Variants in CAPN8 observed in about 807,000 individuals in gnomAD.
The protein encoded by CAPN8 is calpain-8.
A neutral mutation model predicts 80.9 loss-of-function variants in CAPN8; 87 were observed. The ratio of observed to expected loss-of-function variants is 1.07; its 90% CI spans 0.90 to 1.28. The LOEUF is 1.28. CAPN8 is among the 50% of genes most tolerant of loss of function. The pLI is 0.00. For missense variants in CAPN8, 757 were observed against 702.0 expected (o/e 1.08, Z -0.89); for synonymous variants, 299 against 273.8 (o/e 1.09, Z -0.91).
intron 2 of CAPN8, among the ~76,000 whole-genome samples, chr1:223,638,647 G>A (rs943672308): frequency 2.6e-5 from 4 of 152,120 alleles, no homozygotes; most frequent in Non-Finnish European, 5.9e-5. Context: ...GGGAATCGTA[G>A]GCAGGGGCTT....
At position 223,616,041 on chromosome 1, in the gene CAPN8, T is replaced by C. The variant is rs1272908075; in HGVS notation, c.1240A>G (p.Met414Val). ...TTCCGCCACCTGCGATTTTTCTGCATCAGGCCCAGCAGCACTGTACAGCAG... is the reference window on the plus strand; with the variant it reads ...TTCCGCCACCTGCGATTTTTCTGCACCAGGCCCAGCAGCACTGTACAGCAG... ...EPCCTVLLGL[M>V]QKNRRWRKRI... is the part of the protein sequence containing the mutation. The change falls in exon 10 of 21, where the codon ATG (methionine) becomes GTG (valine). Residue 414 changes from methionine to valine, a missense_variant. Coordinates refer to ENST00000366872, the MANE Select transcript of CAPN8 (RefSeq NM_001143962.2). 1 of 1,552,318 alleles carries C rather than the reference T, an allele frequency of 6.4e-7. No homozygotes were observed. The highest frequency in any genetic ancestry group is 8.7e-7 in the Non-Finnish European group (1 of 1,147,120).
chr1:223,642,960 A>G (rs1336908049), intron 2 of CAPN8: 7 of 360,410 alleles, frequency 1.9e-5, no homozygotes, highest in Non-Finnish European at 3.3e-5. Context: ...TAAATTATAA[A>G]AGTGGAATTG....
chr1:223,544,287 G>T (rs1467005598), intron 18 of CAPN8, 104 bp from the exon 19 acceptor site: 8 of 652,714 alleles, frequency 1.2e-5, no homozygotes, highest in Non-Finnish European at 2.2e-5. Flanking sequence ...CTGTGGTTCT[G>T]TATCAATCTG....
At chr1:223,644,601 G>A (rs549644385) in intron 2 of CAPN8, among the ~76,000 whole-genome samples, 14 of 152,304 alleles carry the variant, frequency 9.2e-5, no homozygotes, top group African/African-American at 3.4e-4. Flanking sequence ...TGTGACAGGT[G>A]GTGGTAAATC....
chr1:223,609,594 C>G (rs1656982924), intron 11 of CAPN8, among the ~76,000 whole-genome samples: 1 of 152,136 alleles, frequency 6.6e-6, no homozygotes, highest in Non-Finnish European at 1.5e-5. Flanking sequence ...ACTGTGTGAC[C>G]TTGACCTCTG....
chr1:223,657,634 G>T (rs144142574), intron 1 of CAPN8, among the ~76,000 whole-genome samples: 3,207 of 152,202 alleles, frequency 0.021, 117 homozygotes, highest in African/African-American at 0.07. Flanking sequence ...AGGCGTGGTG[G>T]TGAGTGCCTG....
At chr1:223,628,467 G>A (rs1335921174) in intron 3 of CAPN8, among the ~76,000 whole-genome samples, 195 bp downstream of exon 3, 7 of 152,246 alleles carry the variant, frequency 4.6e-5, no homozygotes, top group Non-Finnish European at 7.3e-5. Context: ...CTGGGAAGAG[G>A]ATGGATGTGT....
intron 11 of CAPN8, among the ~76,000 whole-genome samples, chr1:223,610,838 T>TAAAC (rs1657011919): frequency 6.6e-6 from 1 of 152,132 alleles, no homozygotes; most frequent in Non-Finnish European, 1.5e-5. Flanking sequence ...TAAGGGTGGT[T>TAAAC]CTCAGTGTGG....
chr1:223,543,656 G>A (rs74145907), intron 19 of CAPN8, among the ~76,000 whole-genome samples: 4,496 of 152,176 alleles, frequency 0.03, 167 homozygotes, highest in African/African-American at 0.089. Flanking sequence ...ATTGCCTTCA[G>A]AGGGCACCCC....
intron 1 of CAPN8, among the ~76,000 whole-genome samples, chr1:223,662,111 A>G (rs1658661760): frequency 1.3e-5 from 2 of 152,232 alleles, no homozygotes; most frequent in African/African-American, 2.4e-5. Flanking sequence ...GGTACCCAAC[A>G]TAATCAAATT....
At chr1:223,651,004 G>A (rs1658330011) in intron 2 of CAPN8, among the ~76,000 whole-genome samples, 1 of 152,180 alleles carries the variant, frequency 6.6e-6, no homozygotes, top group Non-Finnish European at 1.5e-5. Context: ...GCACCCTTGA[G>A]AGTCCACTGG....
chr1:223,639,932 C>A (rs1658004235), intron 2 of CAPN8, among the ~76,000 whole-genome samples: 1 of 152,212 alleles, frequency 6.6e-6, no homozygotes, highest in Non-Finnish European at 1.5e-5. Context: ...CTAAATCTTG[C>A]AGTGCCATGT....
At chr1:223,545,989 ATT>A (rs35357819) in intron 16 of CAPN8, among the ~76,000 whole-genome samples, 68 of 111,404 alleles carry the variant, frequency 6.1e-4, no homozygotes, top group Admixed American at 9.3e-4. Flanking sequence ...TACTCCACTA[ATT>A]TTTTTTTTTT....
chr1:223,646,603 G>A (rs778026439), intron 2 of CAPN8, among the ~76,000 whole-genome samples: 50 of 152,196 alleles, frequency 3.3e-4, no homozygotes, highest in Admixed American at 9.2e-4. Flanking sequence ...GAGCAACCGC[G>A]TTGTCTTCAG....
chr1:223,557,509 TC>T (rs1253243150), intron 13 of CAPN8, among the ~76,000 whole-genome samples: 2 of 152,146 alleles, frequency 1.3e-5, no homozygotes, highest in African/African-American at 4.8e-5. Context: ...AATATACCCA[TC>T]ATCCGCCACA....
In CAPN8 at chr1:223,623,282, T is replaced by C. The variant is rs61825179; in HGVS notation, c.814-382A>G. 6.6e-5 allele frequency among the ~76,000 whole-genome samples: 10 copies of C among 152,226 alleles called. No homozygotes were observed. The East Asian group carries it at 1.7e-3, about 26-fold the overall frequency. ...CAGTTAACATTTATCGAGCAGGTAC[T>C]ACAGATGAGGTGTAGTGCTAAGCAT... On this transcript the variant is annotated intron_variant, in intron 6 of 20. Coordinates refer to ENST00000366872, the MANE Select transcript of CAPN8 (RefSeq NM_001143962.2).
At chr1:223,612,001 G>A (rs1332558592) in intron 11 of CAPN8, among the ~76,000 whole-genome samples, 1 of 152,176 alleles carries the variant, frequency 6.6e-6, no homozygotes, top group African/African-American at 2.4e-5. Flanking sequence ...CAGACCACCA[G>A]GGGCATGGGG....
chr1:223,662,899 C>T (rs1658685018), intron 1 of CAPN8, among the ~76,000 whole-genome samples: 1 of 152,184 alleles, frequency 6.6e-6, no homozygotes, highest in Non-Finnish European at 1.5e-5. Flanking sequence ...TATTCAATAA[C>T]TGTAAGATCT....
intron 14 of CAPN8, among the ~76,000 whole-genome samples, chr1:223,552,703 G>T (rs1358776915): frequency 6.6e-6 from 1 of 152,000 alleles, no homozygotes; most frequent in Non-Finnish European, 1.5e-5. Context: ...ATGAGGCCTT[G>T]TACCCTCAGC....
Sources: allele counts gnomAD v4.1 joint callset (sites outside exome capture counted in the v4.1 genomes callset), GRCh38; gene constraint gnomAD v4.1.1; transcripts MANE v1.5; gene names NCBI Gene and HGNC (gene_info 2026-07-23, HGNC 2026-07-21).